UMAD1: variants seen among roughly 807,000 people sequenced by gnomAD.
UMAD1 encodes UBAP1-MVB12-associated (UMA)-domain containing protein 1.
Under a neutral mutation model 6.1 loss-of-function variants are expected in UMAD1, and 8 were observed. The observed-to-expected ratio is 1.30, with a 90% CI of 0.76 to 2.35. UMAD1 has a LOEUF of 2.35. Ranked by LOEUF, UMAD1 falls within the 30% of genes most tolerant of loss-of-function variation. The pLI is 0.00. For synonymous variants in UMAD1, 56 were observed against 31.4 expected (o/e 1.78, Z -2.61); for missense variants, 130 against 78.4 (o/e 1.66, Z -2.49).
intron 2 of UMAD1, among the ~76,000 whole-genome samples, chr7:7,787,407 C>T (rs6958354): frequency 0.55 from 84,164 of 151,946 alleles, 23,427 homozygotes; most frequent in East Asian, 0.75. Context: ...TGCAAGTTTG[C>T]TGCCATGTGT....
At chr7:7,751,202 A>G (rs563030119) in intron 2 of UMAD1, among the ~76,000 whole-genome samples, 1 of 152,342 alleles carries the variant, frequency 6.6e-6, no homozygotes, top group East Asian at 1.9e-4. Context: ...GTCGTTGACT[A>G]TATCTCTCCC....
intron 2 of UMAD1, among the ~76,000 whole-genome samples, chr7:7,691,817 A>G (rs1780178879): frequency 6.6e-6 from 1 of 152,188 alleles, no homozygotes; most frequent in Non-Finnish European, 1.5e-5. Context: ...CTCAGGAGGG[A>G]AAAAGGTGGT....
At chr7:7,721,178 A>G (rs1485145431) in intron 2 of UMAD1, among the ~76,000 whole-genome samples, 1 of 152,220 alleles carries the variant, frequency 6.6e-6, no homozygotes, top group Non-Finnish European at 1.5e-5. Flanking sequence ...AACTTGATTG[A>G]CGATTTCTAG....
At chr7:7,851,500 C>A (rs572057501) in intron 3 of UMAD1, among the ~76,000 whole-genome samples, 4 of 152,238 alleles carry the variant, frequency 2.6e-5, no homozygotes, top group African/African-American at 7.2e-5. Context: ...GAAGTAGCTG[C>A]ACCATTTGCA....
At chr7:7,768,894 TTAAG>T (rs1782047347) in intron 2 of UMAD1, among the ~76,000 whole-genome samples, 3 of 152,346 alleles carry the variant, frequency 2.0e-5, no homozygotes, top group African/African-American at 7.2e-5. Context: ...AACATATTAA[TTAAG>T]TCAGTAGCTG....
chr7:7,845,732 T>C (rs926950247), intron 3 of UMAD1, among the ~76,000 whole-genome samples: 4 of 152,150 alleles, frequency 2.6e-5, no homozygotes, highest in Non-Finnish European at 2.9e-5. Context: ...AGAACCGTTA[T>C]GGCAGCAGAA....
intron 2 of UMAD1, among the ~76,000 whole-genome samples, chr7:7,696,644 A>C (rs1371058299): frequency 6.6e-6 from 1 of 152,126 alleles, no homozygotes; most frequent in Non-Finnish European, 1.5e-5. Flanking sequence ...GCTCTCCCTC[A>C]TACAGAACAA....
intron 2 of UMAD1, among the ~76,000 whole-genome samples, chr7:7,749,553 A>T (rs554811327): frequency 6.6e-6 from 1 of 152,194 alleles, no homozygotes; most frequent in Non-Finnish European, 1.5e-5. Flanking sequence ...TAGTGTTCTC[A>T]GTACTGGTGG....
intron 2 of UMAD1, among the ~76,000 whole-genome samples, chr7:7,780,872 A>G (rs1763791322): frequency 6.6e-6 from 1 of 152,164 alleles, no homozygotes; most frequent in Non-Finnish European, 1.5e-5. Flanking sequence ...CATAATGTTA[A>G]TTCCTATGTA....
intron 2 of UMAD1, among the ~76,000 whole-genome samples, chr7:7,739,305 C>A (rs1781416852): frequency 6.6e-6 from 1 of 152,172 alleles, no homozygotes; most frequent in Non-Finnish European, 1.5e-5. Context: ...CATTACCTTG[C>A]CTGGTCCCTG....
At chr7:7,703,320 T>G (rs920747251) in intron 2 of UMAD1, among the ~76,000 whole-genome samples, 3 of 152,202 alleles carry the variant, frequency 2.0e-5, no homozygotes, top group African/African-American at 7.2e-5. Context: ...AGGTTGCAGT[T>G]TAAATTGATC....
chr7:7,804,244 G>A (rs1782861204), intron 3 of UMAD1, among the ~76,000 whole-genome samples: 1 of 152,138 alleles, frequency 6.6e-6, no homozygotes, highest in South Asian at 2.1e-4. Context: ...GAGACCACAG[G>A]GTTAAATCGC....
At chr7:7,678,233 T>C (rs1301868593) in intron 2 of UMAD1, among the ~76,000 whole-genome samples, 1 of 146,606 alleles carries the variant, frequency 6.8e-6, no homozygotes, top group African/African-American at 2.5e-5. Flanking sequence ...TTTCTACACA[T>C]CCTTGCCAGC....
At chr7:7,727,002 C>T (rs1490456642) in intron 2 of UMAD1, among the ~76,000 whole-genome samples, 1 of 152,190 alleles carries the variant, frequency 6.6e-6, no homozygotes, top group African/African-American at 2.4e-5. Flanking sequence ...CAGCCCACTC[C>T]AGGCAGGACT....
chr7:7,765,219 A>T (rs1011850060), intron 2 of UMAD1, among the ~76,000 whole-genome samples: 2 of 152,130 alleles, frequency 1.3e-5, no homozygotes, highest in Non-Finnish European at 2.9e-5. Flanking sequence ...TACTCTATGT[A>T]TCTGTCTCTT....
At chr7:7,806,349 C>G (rs1474535481) in intron 3 of UMAD1, among the ~76,000 whole-genome samples, 2 of 151,706 alleles carry the variant, frequency 1.3e-5, no homozygotes, top group Admixed American at 6.6e-5. Context: ...ACCCTTTTCT[C>G]TGCTCCCCCA....
chr7:7,736,573 G>A (rs1781364484), intron 2 of UMAD1: 2 of 152,212 alleles, frequency 1.3e-5, no homozygotes, highest in African/African-American at 2.4e-5. Context: ...CTCCTGATGT[G>A]CATGATAGCC....
At chr7:7,715,241 A>C (rs1291268544) in intron 2 of UMAD1, 1 of 152,190 alleles carries the variant, frequency 6.6e-6, no homozygotes, top group African/African-American at 2.4e-5. Flanking sequence ...GACAAAGTGA[A>C]CTACAAGTAG....
chr7:7,640,950 G>T (rs575826664), intron 1 of UMAD1, 129 bp downstream of exon 1: 5 of 157,920 alleles, frequency 3.2e-5, no homozygotes, highest in Admixed American at 6.4e-5. Context: ...CGTACCAGCT[G>T]TTCACTGCTG....
Sources: allele counts gnomAD v4.1 joint callset (sites outside exome capture counted in the v4.1 genomes callset), GRCh38; gene constraint gnomAD v4.1.1; transcripts MANE v1.5; gene names NCBI Gene and HGNC (gene_info 2026-07-23, HGNC 2026-07-21).